Variants in FBXO38 observed in about 807,000 individuals in gnomAD.
FBXO38 encodes F-box protein 38, also known as F-box only protein 38.
In FBXO38, 53 loss-of-function variants were observed where a neutral mutation model predicts 131.9. The observed-to-expected ratio is 0.40, with a 90% CI of 0.32 to 0.51. The LOEUF is 0.51. Among genes scored for constraint, FBXO38 ranks in the 20% least tolerant of loss-of-function variants. FBXO38 has a pLI of 0.53. For synonymous variants in FBXO38, 452 were observed against 505.6 expected, an observed-to-expected ratio of 0.89 and a Z score of 1.42; for missense variants, 1,076 against 1,475.6, an observed-to-expected ratio of 0.73 and a Z score of 4.44.
chr5:148,439,660 C>T lies in FBXO38; in HGVS notation c.3038C>T (p.Thr1013Ile), dbSNP rs761869884. 3.7e-6 allele frequency: 6 copies of T among 1,613,704 alleles called. No individual in the cohort carries two copies. The Admixed American group carries it at 8.3e-5, about 22-fold the overall frequency. Residue 1013 changes from threonine (T) to isoleucine (I), a missense_variant, in exon 19 of 22, where the codon ACT becomes ATT. By Grantham distance (89) the Thr-to-Ile change is moderately conservative (BLOSUM62 -1). Around this residue, in one of 8 missense-constraint regions of FBXO38, gnomAD observed 282 missense variants for 418.8 expected, o/e 0.67. Transcript: ENST00000340253. ...LRPMQQVDTLTLEQKLFSGPY... is the reference protein window; with the variant it reads ...LRPMQQVDTLILEQKLFSGPY... ...TGTCTTCCACAGGTGGACACTCTAA[C>T]TTTGGAGCAGAAGCTATTTAGTGGT...
intron 8 of FBXO38, chr5:148,410,196 G>A (rs1195175129): frequency 6.4e-6 from 1 of 155,806 alleles, no homozygotes; most frequent in Admixed American, 6.5e-5. Context: ...GTTTGGCTCT[G>A]TTTCTCCTCA....
intron 1 of FBXO38, among the ~76,000 whole-genome samples, chr5:148,390,954 C>T (rs1286936193): frequency 6.6e-6 from 1 of 152,230 alleles, no homozygotes; most frequent in East Asian, 1.9e-4. Flanking sequence ...AGCATCATCT[C>T]GATGAAGGAT....
chr5:148,394,043 C>A (rs1393006134), intron 1 of FBXO38, among the ~76,000 whole-genome samples: 2 of 152,062 alleles, frequency 1.3e-5, no homozygotes, highest in Non-Finnish European at 2.9e-5. Flanking sequence ...GCATGTGATG[C>A]AAAAGTGAAA....
intron 18 of FBXO38, among the ~76,000 whole-genome samples, chr5:148,438,819 A>G (rs1754503538): frequency 6.6e-6 from 1 of 152,156 alleles, no homozygotes; most frequent in Non-Finnish European, 1.5e-5. Context: ...AATAATAATG[A>G]TATACCCAGG....
intron 19 of FBXO38, among the ~76,000 whole-genome samples, chr5:148,440,134 A>G (rs548268151): frequency 2.1e-4 from 32 of 152,338 alleles, no homozygotes; most frequent in African/African-American, 6.7e-4. Context: ...TGACTTTTAT[A>G]AATTTGTTAT....
intron 18 of FBXO38, among the ~76,000 whole-genome samples, chr5:148,439,145 T>TA (rs1294783880): frequency 3.9e-5 from 6 of 152,126 alleles, no homozygotes; most frequent in African/African-American, 1.4e-4. Context: ...GACAAACACT[T>TA]ATGCCACGCA....
chr5:148,394,983 C>CCAT (rs1217121859), intron 2 of FBXO38, 79 bp downstream of exon 2: 1 of 1,300,042 alleles, frequency 7.7e-7, no homozygotes, highest in African/African-American at 1.5e-5. Context: ...AATGTGGTAG[C>CCAT]TACCAGCTAC....
Position 148,441,171 on chromosome 5 carries a change from C to CT in FBXO38, c.3323dup (p.Arg1109GlufsTer17). On this transcript the variant is annotated frameshift_variant, in exon 21 of 22. Transcript: ENST00000340253. LOFTEE classifies it high-confidence loss of function. ...TTCCATGATTTCTGACTTCCCTTGG[C>CT]TGAGGTCATTACGAGCTGCAGAGCC... The CT allele has an allele frequency of 6.2e-7, 1 of 1,613,966 alleles. No homozygotes were observed. The highest frequency in any genetic ancestry group is 8.5e-7 in the Non-Finnish European group (1 of 1,179,956).
chr5:148,396,685 G>C (rs1758498445), intron 2 of FBXO38, among the ~76,000 whole-genome samples: 1 of 152,132 alleles, frequency 6.6e-6, no homozygotes, highest in Non-Finnish European at 1.5e-5. Flanking sequence ...CTGGAGTGCA[G>C]GGTATGACCA....
intron 12 of FBXO38, among the ~76,000 whole-genome samples, chr5:148,418,818 A>G (rs1015584085): frequency 6.6e-6 from 1 of 152,226 alleles, no homozygotes; most frequent in Non-Finnish European, 1.5e-5. Context: ...AGTACAGTGG[A>G]GAATGCCTGC....
chr5:148,394,268 G>T (rs1758360703), intron 1 of FBXO38, among the ~76,000 whole-genome samples: 1 of 152,160 alleles, frequency 6.6e-6, no homozygotes, highest in African/African-American at 2.4e-5. Context: ...GCAGAATCAA[G>T]ATTAGAACCC....
chr5:148,392,270 TAAA>T (rs1758234586), intron 1 of FBXO38, among the ~76,000 whole-genome samples: 1 of 152,290 alleles, frequency 6.6e-6, no homozygotes, highest in East Asian at 1.9e-4. Flanking sequence ...ATAAAATTGA[TAAA>T]AATAGCCCAT....
At chr5:148,400,112 A>G (rs1002181976) in intron 3 of FBXO38, among the ~76,000 whole-genome samples, 5 of 151,842 alleles carry the variant, frequency 3.3e-5, no homozygotes, top group Admixed American at 6.6e-5. Flanking sequence ...TTATCAATAT[A>G]TACTTTCTTA....
At chr5:148,434,712 CAT>C (rs1754242268) in intron 17 of FBXO38, 1 of 152,162 alleles carries the variant, frequency 6.6e-6, no homozygotes, top group Non-Finnish European at 1.5e-5. Flanking sequence ...TTTTCCAGCA[CAT>C]ATAAAAGTTA....
At position 148,424,051 on chromosome 5, in the gene FBXO38, A is replaced by G; in HGVS notation, c.1672A>G (p.Ser558Gly). ...VQEDGEVVAE[S>G]GNNTPAHSQA... ...AGAAGATGGAGAGGTGGTGGCCGAGAGTGGAAATAATACTCCAGCTCACAG... is the reference window on the plus strand; with the variant it reads ...AGAAGATGGAGAGGTGGTGGCCGAGGGTGGAAATAATACTCCAGCTCACAG... Residue 558 changes from serine (S) to glycine (G), a missense_variant, in exon 13 of 22, where the codon AGT (serine) becomes GGT (glycine). Coordinates refer to ENST00000340253, the MANE Select transcript of FBXO38 (RefSeq NM_205836.3). The G allele has an allele frequency of 1.2e-6, 2 of 1,613,764 alleles. No individual in the cohort carries two copies. Among genetic ancestry groups the G allele is most frequent in the South Asian group, 2.2e-5 (2 of 91,060 alleles).
At chr5:148,392,841 G>C (rs1384036228) in intron 1 of FBXO38, among the ~76,000 whole-genome samples, 1 of 152,110 alleles carries the variant, frequency 6.6e-6, no homozygotes, top group Non-Finnish European at 1.5e-5. Context: ...GAGGCTATTG[G>C]ATTTGTTGAC....
intron 15 of FBXO38, among the ~76,000 whole-genome samples, chr5:148,429,696 G>A (rs529997249): frequency 9.2e-5 from 14 of 152,066 alleles, no homozygotes; most frequent in South Asian, 6.2e-4. Context: ...TATGTTTGTC[G>A]TTTTACTTAT....
At chr5:148,439,555 G>A in intron 18 of FBXO38, 92 bp from the exon 19 acceptor site, 1 of 1,186,862 alleles carries the variant, frequency 8.4e-7, no homozygotes. Context: ...TTTCAAAACT[G>A]AAGGTCCATG....
chr5:148,417,239 T>C (rs1322663268), intron 12 of FBXO38, 35 bp downstream of exon 12: 9 of 1,371,620 alleles, frequency 6.6e-6, no homozygotes, highest in Non-Finnish European at 9.4e-6. Flanking sequence ...CAGATAGAAA[T>C]GATTTTCACT....
Sources: allele counts gnomAD v4.1 joint callset (sites outside exome capture counted in the v4.1 genomes callset), GRCh38; gene constraint gnomAD v4.1.1; regional missense constraint gnomAD v4.1.1; transcripts MANE v1.5; gene names NCBI Gene and HGNC (gene_info 2026-07-23, HGNC 2026-07-21).